The following SNTG1 variants were observed in gnomAD, a reference collection of about 807,000 sequenced individuals.
SNTG1 encodes gamma-1-syntrophin.
In SNTG1, 39 loss-of-function variants were observed where a neutral mutation model predicts 74.7. The observed-to-expected ratio is 0.52, with a 90% CI of 0.40 to 0.68. SNTG1 has a LOEUF of 0.68. Among genes scored for constraint, SNTG1 ranks in the 30% least tolerant of loss-of-function variants. The pLI is 0.00. For synonymous variants in SNTG1, 254 were observed against 217.1 expected (o/e 1.17, Z -1.49); for missense variants, 685 against 609.5 (o/e 1.12, Z -1.30).
chr8:50,415,549 A>C (rs2093003613), intron 4 of SNTG1, among the ~76,000 whole-genome samples: 2 of 152,112 alleles, frequency 1.3e-5, no homozygotes, highest in Non-Finnish European at 2.9e-5. Context: ...TACTCTTCCC[A>C]TGAAACAGTT....
At chr8:50,363,098 T>G (rs1016107502) in intron 2 of SNTG1, among the ~76,000 whole-genome samples, 1 of 152,158 alleles carries the variant, frequency 6.6e-6, no homozygotes, top group Non-Finnish European at 1.5e-5. Context: ...GGCTAAATAA[T>G]GGTCTTTTTT....
chr8:50,552,802 G>A (rs2094434617), intron 11 of SNTG1, among the ~76,000 whole-genome samples: 1 of 152,150 alleles, frequency 6.6e-6, no homozygotes, highest in Non-Finnish European at 1.5e-5. Context: ...TGTTTTAGAA[G>A]TCAAAGTTTC....
intron 2 of SNTG1, among the ~76,000 whole-genome samples, chr8:50,388,782 T>C (rs1178363077): frequency 1.3e-5 from 2 of 152,194 alleles, no homozygotes; most frequent in Admixed American, 6.5e-5. Context: ...CTCCATTATT[T>C]AAAGTGAGTT....
chr8:50,032,844 C>T (rs1011420510), intron 1 of SNTG1, among the ~76,000 whole-genome samples: 2 of 152,056 alleles, frequency 1.3e-5, no homozygotes, highest in East Asian at 1.9e-4. Context: ...ATCAAATTAG[C>T]CAATTAGCTA....
At chr8:50,544,120 T>A (rs1307531720) in intron 11 of SNTG1, among the ~76,000 whole-genome samples, 1 of 152,136 alleles carries the variant, frequency 6.6e-6, no homozygotes, top group East Asian at 1.9e-4. Context: ...CTTGTAATAA[T>A]TAAAAATGTT....
At chr8:50,635,837 C>A (rs969471743) in intron 13 of SNTG1, among the ~76,000 whole-genome samples, 2 of 152,094 alleles carry the variant, frequency 1.3e-5, no homozygotes, top group Non-Finnish European at 2.9e-5. Flanking sequence ...TTACTTTTAT[C>A]TCTGCTCTTC....
rs529839285 is a variant in SNTG1, at chr8:50,658,529, A to G, written c.967-63A>G. On this transcript the variant is annotated intron_variant, in intron 14 of 18. Transcript: ENST00000642720. Reference sequence around the variant, plus strand: ...TCTTATTTTTCACTATATTATGCAAATCAAATACAGTGGTAAATAACTTTC... The same window carrying G: ...TCTTATTTTTCACTATATTATGCAAGTCAAATACAGTGGTAAATAACTTTC... The G allele has an allele frequency of 4.1e-6, 5 of 1,222,522 alleles. No homozygotes were observed. The East Asian group carries it at 1.2e-4, about 30-fold the overall frequency. The allele number at this position is 1,222,522 out of a possible 1,614,324, so 75.7% of individuals were successfully genotyped here.
chr8:50,750,930 G>A (rs1215360369), intron 17 of SNTG1, among the ~76,000 whole-genome samples: 1 of 151,798 alleles, frequency 6.6e-6, no homozygotes, highest in African/African-American at 2.4e-5. Flanking sequence ...GCCCGTATAT[G>A]CTTTTATCTA....
intron 13 of SNTG1, among the ~76,000 whole-genome samples, chr8:50,596,735 T>C (rs1313578325): frequency 6.6e-6 from 1 of 152,068 alleles, no homozygotes; most frequent in African/African-American, 2.4e-5. Context: ...TTTGTAATTA[T>C]TTGCTGTTGT....
intron 15 of SNTG1, among the ~76,000 whole-genome samples, chr8:50,681,956 C>G (rs1408964520): frequency 1.3e-5 from 2 of 152,176 alleles, no homozygotes; most frequent in Non-Finnish European, 2.9e-5. Flanking sequence ...TGCCCAAGAC[C>G]TTGGAGTCAC....
At chr8:50,711,758 CAT>C (rs2095462283) in intron 17 of SNTG1, among the ~76,000 whole-genome samples, 1 of 152,098 alleles carries the variant, frequency 6.6e-6, no homozygotes. Flanking sequence ...CTTACATTTA[CAT>C]TAGTAGCATA....
At chr8:49,914,292 A>G (rs1023835553) in intron 1 of SNTG1, among the ~76,000 whole-genome samples, 2 of 151,924 alleles carry the variant, frequency 1.3e-5, no homozygotes, top group Non-Finnish European at 2.9e-5. Context: ...TTTGATAGTT[A>G]TTTTGTTTTG....
chr8:50,271,205 T>A (rs1420925761), intron 2 of SNTG1, among the ~76,000 whole-genome samples: 1 of 152,180 alleles, frequency 6.6e-6, no homozygotes, highest in Admixed American at 6.6e-5. Context: ...CAGCTTTTGG[T>A]ATATCATCCC....
At chr8:50,751,920 C>A in intron 17 of SNTG1, 81 bp from the exon 18 acceptor site, 1 of 784,186 alleles carries the variant, frequency 1.3e-6, no homozygotes, top group Non-Finnish European at 2.0e-6. Flanking sequence ...TTAACTTTTA[C>A]CATTTAAAAA....
chr8:50,786,412 T>G (rs1161147698), intron 18 of SNTG1, among the ~76,000 whole-genome samples: 1 of 151,958 alleles, frequency 6.6e-6, no homozygotes, highest in Non-Finnish European at 1.5e-5. Flanking sequence ...TTAGAAAACT[T>G]AATACTTTTA....
chr8:50,319,552 CCTTTATATCTTTAT>C lies in SNTG1; in HGVS notation c.-27-74656_-27-74643del, dbSNP rs532741704. 6.4e-4 allele frequency among the ~76,000 whole-genome samples: 97 copies of C among 152,188 alleles called. 1 individual carries two copies. Among genetic ancestry groups the C allele is most frequent in the African/African-American group, 1.9e-3 (80 of 41,532 alleles). On this transcript the variant is annotated intron_variant, in intron 2 of 18. Coordinates refer to ENST00000642720, the MANE Select transcript of SNTG1 (RefSeq NM_018967.5). Reference sequence around the variant, plus strand: ...ACATCTTCCTTTTCAATTTGTATGGCCTTTATATCTTTATCTTGTCTGATTAATCTAGCTAATAC... The same window carrying C: ...ACATCTTCCTTTTCAATTTGTATGGCCTTGTCTGATTAATCTAGCTAATAC...
intron 15 of SNTG1, among the ~76,000 whole-genome samples, chr8:50,699,697 GC>G (rs1397726483): frequency 2.0e-5 from 3 of 152,006 alleles, no homozygotes; most frequent in African/African-American, 7.2e-5. Flanking sequence ...TTTCCAGTTG[GC>G]AAAAAAGTAT....
intron 3 of SNTG1, among the ~76,000 whole-genome samples, chr8:50,398,078 C>T (rs543769574): frequency 2.0e-5 from 3 of 152,220 alleles, no homozygotes; most frequent in Non-Finnish European, 4.4e-5. Context: ...TCTTGCATCT[C>T]TCAGAGGAGC....
intron 18 of SNTG1, among the ~76,000 whole-genome samples, chr8:50,780,133 A>G (rs1180792728): frequency 1.3e-5 from 2 of 152,170 alleles, no homozygotes; most frequent in South Asian, 2.1e-4. Context: ...TTTTGCATCA[A>G]TGTTCATCAA....
Sources: gnomAD v4.1 joint callset for allele counts (sites outside exome capture counted in the v4.1 genomes callset) on GRCh38, gnomAD v4.1.1 for gene constraint, MANE v1.5 for transcripts, NCBI Gene and HGNC (gene_info 2026-07-23, HGNC 2026-07-21) for gene names.